The following SEMA3C variants were observed in gnomAD, a reference collection of about 807,000 sequenced individuals.
The protein encoded by SEMA3C is semaphorin 3C.
Under a neutral mutation model 89.4 loss-of-function variants are expected in SEMA3C, and 47 were observed. That is an observed-to-expected ratio of 0.53 (90% CI 0.42 to 0.67). The LOEUF (loss-of-function observed/expected upper bound fraction) is 0.67. Among genes scored for constraint, SEMA3C ranks in the 30% least tolerant of loss-of-function variants. The pLI, the probability that SEMA3C is intolerant of heterozygous loss-of-function variation, is 0.00. For synonymous variants in SEMA3C, 310 were observed against 320.2 expected (o/e 0.97, Z 0.34); for missense variants, 839 against 929.1 (o/e 0.90, Z 1.26).
Position 80,808,558 on chromosome 7 carries a change from T to C in SEMA3C, c.538+2053A>G, listed in dbSNP as rs536332893. Among the ~76,000 whole-genome samples the C allele has an allele frequency of 9.2e-5, 14 of 152,250 alleles. No homozygotes were observed. In the South Asian group the frequency reaches 1.2e-3, roughly 14 times the overall value. On this transcript the variant is annotated intron_variant, in intron 6 of 17. Coordinates refer to ENST00000265361, the MANE Select transcript of SEMA3C (RefSeq NM_006379.5). ...GCAATTCACTGAATAACTTCCAAGG[T>C]TTACCTGTCTTAATGTAATTTCCAG...
intron 2 of SEMA3C, among the ~76,000 whole-genome samples, chr7:80,858,321 T>A (rs1790689506): frequency 6.6e-6 from 1 of 152,282 alleles, no homozygotes; most frequent in Admixed American, 6.5e-5. Context: ...AGCACTGATA[T>A]ACATCATGAC....
In SEMA3C at chr7:80,805,464, C is replaced by T. The variant is rs550312777; in HGVS notation, c.658+175G>A. On this transcript the variant is annotated intron_variant, in intron 7 of 17. Transcript: ENST00000265361. ...AAAGAATCGAAATATGGACTATGAG[C>T]TATTCAATTGTTTATTTTCCCCGAA... Among the ~76,000 whole-genome samples, 199 of 152,074 alleles carry T rather than the reference C, an allele frequency of 1.3e-3. 1 individual carries two copies. The highest frequency in any genetic ancestry group is 4.2e-3 in the African/African-American group (173 of 41,536).
intron 16 of SEMA3C, among the ~76,000 whole-genome samples, chr7:80,751,066 C>G (rs970071269): frequency 1.2e-4 from 18 of 152,056 alleles, no homozygotes; most frequent in African/African-American, 4.3e-4. Flanking sequence ...ATGCGTGTTC[C>G]CAGACATTTG....
At chr7:80,776,450 C>T (rs1394361495) in intron 12 of SEMA3C, among the ~76,000 whole-genome samples, 1 of 152,130 alleles carries the variant, frequency 6.6e-6, no homozygotes, top group Non-Finnish European at 1.5e-5. Flanking sequence ...ATAGTATTTG[C>T]CCTACACACC....
At chr7:80,905,252 TAGGGAGAGAG>T (rs1416600646) in intron 2 of SEMA3C, among the ~76,000 whole-genome samples, 338 of 32,696 alleles carry the variant, frequency 0.01, 5 homozygotes, top group East Asian at 0.072. Context: ...GAGGGAGAGA[TAGGGAGAGAG>T]AGGGAGAGAG....
At chr7:80,877,475 T>C (rs1219148330) in intron 2 of SEMA3C, among the ~76,000 whole-genome samples, 1 of 151,996 alleles carries the variant, frequency 6.6e-6, no homozygotes, top group Non-Finnish European at 1.5e-5. Context: ...AAAAAAAAAA[T>C]TAATCTCTGT....
chr7:80,829,562 T>A (rs1209366218), intron 2 of SEMA3C, among the ~76,000 whole-genome samples: 1 of 152,176 alleles, frequency 6.6e-6, no homozygotes, highest in Non-Finnish European at 1.5e-5. Context: ...AAAGTAGACG[T>A]ATTTTCAGGA....
At chr7:80,875,340 G>A (rs1184613765) in intron 2 of SEMA3C, among the ~76,000 whole-genome samples, 1 of 152,044 alleles carries the variant, frequency 6.6e-6, no homozygotes, top group Non-Finnish European at 1.5e-5. Context: ...GCATATAGAA[G>A]CTTACTTCCA....
Position 80,754,957 on chromosome 7 carries a change from G to GTTTTTTTTTTT in SEMA3C, c.1643+3363_1643+3373dup, listed in dbSNP as rs1368382376. Among the ~76,000 whole-genome samples the GTTTTTTTTTTT allele has an allele frequency of 3.0e-3, 327 of 108,220 alleles. 1 individual carries two copies. Among genetic ancestry groups the GTTTTTTTTTTT allele is most frequent in the Non-Finnish European group, 4.8e-3 (261 of 53,864 alleles). 71.0% of individuals were successfully genotyped at this position (108,220 alleles called of 152,430 possible). On this transcript the variant is annotated intron_variant, in intron 15 of 17. Transcript: ENST00000265361. ...CATGCCTGGCGAATTGTTTTTTTTT[G>GTTTTTTTTTTT]TTTTTTTTTTTTTTGTATTTTTAGT... is the stretch of plus-strand genomic sequence containing the variant.
Position 80,840,681 on chromosome 7 carries a change from T to C in SEMA3C, c.104-11936A>G, listed in dbSNP as rs539443662. Among the ~76,000 whole-genome samples the C allele has an allele frequency of 8.5e-5, 13 of 152,072 alleles. No individual in the cohort carries two copies. In the South Asian group the frequency reaches 2.5e-3, roughly 29 times the overall value. ...CAGTGTAAAAAGATGACTCCAAAAA[T>C]TGAGGAGCATTAAAGAATGAAGAAT... On this transcript the variant is annotated intron_variant, in intron 2 of 17. Coordinates refer to ENST00000265361, the MANE Select transcript of SEMA3C (RefSeq NM_006379.5).
chr7:80,894,944 A>G, intron 2 of SEMA3C, among the ~76,000 whole-genome samples: 1 of 152,130 alleles, frequency 6.6e-6, no homozygotes, highest in South Asian at 2.1e-4. Flanking sequence ...GGCCTCCCTC[A>G]GCTGTAATAT....
chr7:80,835,083 C>T (rs1196160400), intron 2 of SEMA3C, among the ~76,000 whole-genome samples: 2 of 152,004 alleles, frequency 1.3e-5, no homozygotes, highest in African/African-American at 4.8e-5. Context: ...TTGTCTTCAG[C>T]CTTTTATAAA....
chr7:80,866,435 T>C (rs1790928052), intron 2 of SEMA3C, among the ~76,000 whole-genome samples: 1 of 152,168 alleles, frequency 6.6e-6, no homozygotes, highest in Non-Finnish European at 1.5e-5. Context: ...CTTTTAATTA[T>C]CACATTTTTA....
chr7:80,804,170 TC>T lies in SEMA3C; in HGVS notation c.736del (p.Glu246LysfsTer3). 1.2e-6 allele frequency: 2 copies of T among 1,613,240 alleles called. No homozygotes were observed. Among genetic ancestry groups the T allele is most frequent in the Non-Finnish European group, 1.7e-6 (2 of 1,179,370 alleles). On this transcript the variant is annotated frameshift_variant, in exon 8 of 18. Transcript: ENST00000265361. LOFTEE classifies it high-confidence loss of function. ...NDAKVYFFFK[E>X]KLTDNNRSTK... The stretch of plus-strand genomic sequence containing the variant: ...GCTCCTGTTATTGTCAGTCAGTTTT[TC>T]TTTGAAGAAGAAGTACACCTTAGCA...
In SEMA3C at chr7:80,745,069, A is replaced by T. The variant is rs761443758; in HGVS notation, c.2081T>A (p.Met694Lys). Reference protein sequence around the residue: ...RALPFHPKDIMGAFSHSEMQM... With the variant: ...RALPFHPKDIKGAFSHSEMQM... The stretch of plus-strand genomic sequence containing the variant: ...CATTTCTGAGTGGCTGAATGCCCCC[A>T]TGATGTCCTTCGGGTGGAAGGGTAA... The change falls in exon 18 of 18, where the codon ATG becomes AAG. Residue 694 changes from methionine to lysine, a missense_variant. Physicochemically the swap from Met to Lys is moderately conservative, Grantham distance 95. Transcript: ENST00000265361. The T allele has an allele frequency of 2.5e-6, 4 of 1,614,108 alleles. No individual in the cohort carries two copies. The highest frequency in any genetic ancestry group is 1.7e-5 in the Admixed American group (1 of 59,990).
chr7:80,855,088 T>C (rs1347368639), intron 2 of SEMA3C, among the ~76,000 whole-genome samples: 1 of 152,174 alleles, frequency 6.6e-6, no homozygotes, highest in African/African-American at 2.4e-5. Context: ...TCTAAGCCCT[T>C]TCCATGATTA....
chr7:80,874,666 C>G (rs777499138), intron 2 of SEMA3C, among the ~76,000 whole-genome samples: 6 of 151,864 alleles, frequency 4.0e-5, no homozygotes, highest in Admixed American at 6.6e-5. Flanking sequence ...CAGGGTTTCA[C>G]CAGGTTGACC....
At chr7:80,863,611 T>G (rs189910556) in intron 2 of SEMA3C, among the ~76,000 whole-genome samples, 134 of 151,240 alleles carry the variant, frequency 8.9e-4, no homozygotes, top group African/African-American at 3.1e-3. Flanking sequence ...CCAACCCAAA[T>G]GCTCGTCAAT....
chr7:80,795,574 G>C (rs1196955565), intron 11 of SEMA3C, among the ~76,000 whole-genome samples: 1 of 152,168 alleles, frequency 6.6e-6, no homozygotes, highest in Non-Finnish European at 1.5e-5. Context: ...AAAAAACAGT[G>C]AAAAGTGGGA....
Sources: allele counts gnomAD v4.1 joint callset (sites outside exome capture counted in the v4.1 genomes callset), GRCh38; gene constraint gnomAD v4.1.1; transcripts MANE v1.5; gene names NCBI Gene and HGNC (gene_info 2026-07-23, HGNC 2026-07-21).